The following DCAF12 variants were observed in gnomAD, a reference collection of about 807,000 sequenced individuals.
DCAF12 encodes DDB1- and CUL4-associated factor 12.
A neutral mutation model predicts 52.8 loss-of-function variants in DCAF12; 28 were observed. That is an observed-to-expected ratio of 0.53 (90% confidence interval 0.39 to 0.73). The LOEUF (loss-of-function observed/expected upper bound fraction) is 0.73. Ranked by LOEUF, DCAF12 falls within the 30% of genes least tolerant of loss-of-function variation. The pLI is 0.00. For missense variants in DCAF12, 425 were observed against 552.2 expected (o/e 0.77, Z 2.31); for synonymous variants, 196 against 215.5 (o/e 0.91, Z 0.79).
At chr9:34,091,503 G>A (rs1452012791) in intron 7 of DCAF12, among the ~76,000 whole-genome samples, 1 of 151,820 alleles carries the variant, frequency 6.6e-6, no homozygotes, top group Non-Finnish European at 1.5e-5. Context: ...GAATGAGGTG[G>A]CGGACGCTTA....
chr9:34,086,825 TC>T lies in DCAF12; in HGVS notation c.*1524del, dbSNP rs1185628456. The T allele has an allele frequency of 6.6e-6, 1 of 152,136 alleles. No individual in the cohort carries two copies. The highest frequency in any genetic ancestry group is 1.9e-4 in the East Asian group (1 of 5,196). The allele number at this position is 152,136 out of a possible 1,614,324, so 9.4% of individuals were successfully genotyped here. On this transcript the variant is annotated 3_prime_UTR_variant, in exon 9 of 9. Transcript: ENST00000361264. ...ATATAATTTTTTTTCCAATTTCCCT[TC>T]TTACACCCAGAGAAGAGGGGGACAA...
intron 4 of DCAF12, among the ~76,000 whole-genome samples, chr9:34,101,013 T>G (rs1344907153): frequency 6.6e-6 from 1 of 150,722 alleles, no homozygotes; most frequent in African/African-American, 2.4e-5. Flanking sequence ...ATGGATTTCC[T>G]GAAATCCATG....
chr9:34,120,683 A>AAG (rs1375010450), intron 2 of DCAF12, among the ~76,000 whole-genome samples: 5 of 151,490 alleles, frequency 3.3e-5, no homozygotes, highest in African/African-American at 9.7e-5. Context: ...AAAAAAAAAA[A>AAG]AAAAGAAAAC....
At chr9:34,091,661 A>AAAAAC (rs1554698965) in intron 7 of DCAF12, among the ~76,000 whole-genome samples, 1 of 148,564 alleles carries the variant, frequency 6.7e-6, no homozygotes, top group African/African-American at 2.5e-5. Flanking sequence ...AAAAAAAAAA[A>AAAAAC]CCACAAAAAA....
At position 34,098,371 on chromosome 9, in the gene DCAF12, G is replaced by T; in HGVS notation, c.748C>A (p.Pro250Thr). 1 of 1,614,192 alleles carries T rather than the reference G, an allele frequency of 6.2e-7. No individual in the cohort carries two copies. The highest frequency in any genetic ancestry group is 1.1e-5 in the South Asian group (1 of 91,080). The change falls in exon 5 of 9, where the codon CCT becomes ACT. Residue 250 changes from proline (P) to threonine (T), a missense_variant. This residue lies in a region of DCAF12 where 328 missense variants were observed against 444.4 expected (regional missense o/e 0.74). Coordinates refer to ENST00000361264, the MANE Select transcript of DCAF12 (RefSeq NM_015397.4). ...AGAGCCCGAACCTTGCAGTTGTCAG[G>T]GTTTGTGTCTTCTTTGGGGATGTCC... Reference protein sequence around the residue: ...LKDIPKEDTNPDNCKVRALAF... With the variant: ...LKDIPKEDTNTDNCKVRALAF...
At chr9:34,090,845 A>G (rs1229463884) in intron 7 of DCAF12, among the ~76,000 whole-genome samples, 3 of 151,656 alleles carry the variant, frequency 2.0e-5, no homozygotes, top group Admixed American at 6.6e-5. Flanking sequence ...TTTAGTAGAG[A>G]CAGGGTTTCA....
chr9:34,096,818 T>C (rs1236278479), intron 5 of DCAF12, 37 bp from the exon 6 acceptor site: 1 of 1,574,982 alleles, frequency 6.3e-7, no homozygotes, highest in Admixed American at 1.7e-5. Context: ...TATTATCATC[T>C]ATAGCAACTA....
At chr9:34,113,997 A>G (rs1476520684) in intron 2 of DCAF12, among the ~76,000 whole-genome samples, 1 of 152,000 alleles carries the variant, frequency 6.6e-6, no homozygotes, top group African/African-American at 2.4e-5. Flanking sequence ...AGTCCCAGCT[A>G]CTCAGGAGGC....
chr9:34,124,997 G>A (rs749531239), intron 2 of DCAF12, 26 bp downstream of exon 2: 1 of 1,611,290 alleles, frequency 6.2e-7, no homozygotes, highest in African/African-American at 1.3e-5. Flanking sequence ...ACCTAGGAGA[G>A]AGGTCACATC....
At chr9:34,115,662 C>CAT (rs750745505) in intron 2 of DCAF12, among the ~76,000 whole-genome samples, 9 of 150,520 alleles carry the variant, frequency 6.0e-5, no homozygotes, top group East Asian at 1.9e-4. Flanking sequence ...TCCCCATAGA[C>CAT]ATATATATAT....
chr9:34,110,985 GTTTT>G (rs1204745952), intron 2 of DCAF12, among the ~76,000 whole-genome samples: 1 of 125,956 alleles, frequency 7.9e-6, no homozygotes, highest in Non-Finnish European at 1.7e-5. Flanking sequence ...ATTCTTTTCT[GTTTT>G]TTTTTTTTTT....
chr9:34,099,942 C>T (rs1056056406), intron 4 of DCAF12, among the ~76,000 whole-genome samples: 1 of 152,134 alleles, frequency 6.6e-6, no homozygotes, highest in African/African-American at 2.4e-5. Context: ...GGCATGCATC[C>T]ACAGCTGACT....
rs142106950 is a variant in DCAF12, at chr9:34,120,507, C to T, written c.333+4516G>A. 6.0e-3 allele frequency among the ~76,000 whole-genome samples: 902 copies of T among 151,326 alleles called. 10 individuals are homozygous for T. The highest frequency in any genetic ancestry group is 0.021 in the African/African-American group (861 of 41,244). On this transcript the variant is annotated intron_variant, in intron 2 of 8. Coordinates refer to ENST00000361264, the MANE Select transcript of DCAF12 (RefSeq NM_015397.4). ...CCAGCATGGTGAAACCCCGTCTCTA[C>T]TAAAAATACAAAAATTGGCCAGGCA...
chr9:34,091,183 T>A (rs1828637963), intron 7 of DCAF12, among the ~76,000 whole-genome samples: 1 of 151,612 alleles, frequency 6.6e-6, no homozygotes, highest in Admixed American at 6.6e-5. Flanking sequence ...AAAAATTAGC[T>A]GGGCATGGTG....
rs71506167 is a variant in DCAF12, at chr9:34,120,669, C to CAAA, written c.333+4351_333+4353dup. 2.9e-4 allele frequency among the ~76,000 whole-genome samples: 34 copies of CAAA among 117,096 alleles called. 1 individual carries two copies. The highest frequency in any genetic ancestry group is 4.2e-3 in the Middle Eastern group (1 of 238). The allele number at this position is 117,096 out of a possible 152,430, so 76.8% of individuals were successfully genotyped here. ...TTGGCAACACAGCAAGACGCGGTCTCAAAAAAAAAAAAAAAAAAGAAAACA... is the reference window on the plus strand; with the variant it reads ...TTGGCAACACAGCAAGACGCGGTCTCAAAAAAAAAAAAAAAAAAAAAGAAAACA... On this transcript the variant is annotated intron_variant, in intron 2 of 8. Transcript: ENST00000361264.
chr9:34,119,683 A>G (rs1321100389), intron 2 of DCAF12, among the ~76,000 whole-genome samples: 3 of 150,092 alleles, frequency 2.0e-5, no homozygotes, highest in Non-Finnish European at 4.4e-5. Flanking sequence ...TCTTTCAACA[A>G]ATACTATGTA....
rs371477186 is a variant in DCAF12 at position 34,126,565 on chromosome 9, G to A, written c.-134C>T. ...CGGCCCGGAAAATGGCCCGGACCCG[G>A]AGCGGCAGCAGAAAAAAGATAGGCG... On this transcript the variant is annotated 5_prime_UTR_variant, in exon 1 of 9. Transcript: ENST00000361264. The A allele has an allele frequency of 2.5e-4, 240 of 950,072 alleles. No individual in the cohort carries two copies. The African/African-American group carries it at 3.7e-3, about 15-fold the overall frequency. 58.9% of individuals were successfully genotyped at this position (950,072 alleles called of 1,614,324 possible). A position where few individuals can be genotyped will look rare whatever the true frequency, so the allele number is the denominator to read the frequency against.
chr9:34,126,561 C>G lies in DCAF12; in HGVS notation c.-130G>C, dbSNP rs1829254564. ...CGCCCGGCCCGGAAAATGGCCCGGA[C>G]CCGGAGCGGCAGCAGAAAAAAGATA... On this transcript the variant is annotated 5_prime_UTR_variant, in exon 1 of 9. Transcript: ENST00000361264. 1.0e-6 allele frequency: 1 copy of G among 981,552 alleles called. No individual in the cohort carries two copies. The highest frequency in any genetic ancestry group is 1.7e-5 in the African/African-American group (1 of 60,136). 60.8% of individuals were successfully genotyped at this position (981,552 alleles called of 1,614,324 possible). A position where few individuals can be genotyped will look rare whatever the true frequency, so the allele number is the denominator to read the frequency against.
intron 4 of DCAF12, among the ~76,000 whole-genome samples, chr9:34,101,953 T>C (rs1828835629): frequency 6.8e-6 from 1 of 148,146 alleles, no homozygotes; most frequent in Non-Finnish European, 1.5e-5. Context: ...GAAGTAGAAG[T>C]TGCAGTGAGC....
Sources: gnomAD v4.1 joint callset for allele counts (sites outside exome capture counted in the v4.1 genomes callset) on GRCh38, gnomAD v4.1.1 for gene constraint, gnomAD v4.1.1 regional missense constraint, MANE v1.5 for transcripts, NCBI Gene and HGNC (gene_info 2026-07-23, HGNC 2026-07-21) for gene names.